FRMD5: variants seen among roughly 807,000 people sequenced by gnomAD.
FRMD5 encodes the protein FERM domain-containing protein 5.
Under a neutral mutation model 69.0 loss-of-function variants are expected in FRMD5, and 20 were observed. The ratio of observed to expected loss-of-function variants is 0.29; its 90% confidence interval spans 0.20 to 0.42. The LOEUF is 0.42. FRMD5 is among the 10% of genes least tolerant of loss of function. The pLI is 1.00. For synonymous variants in FRMD5, 271 were observed against 260.1 expected, an observed-to-expected ratio of 1.04 and a Z score of -0.40; for missense variants, 595 against 708.6, an observed-to-expected ratio of 0.84 and a Z score of 1.82.
chr15:44,071,514 A>G (rs547799316), intron 1 of FRMD5, among the ~76,000 whole-genome samples: 221 of 152,266 alleles, frequency 1.5e-3, no homozygotes, highest in Non-Finnish European at 1.5e-3. Flanking sequence ...TCTCCTCCCT[A>G]CTTAATACAA....
chr15:44,128,764 G>A (rs1228238635), intron 1 of FRMD5, among the ~76,000 whole-genome samples: 1 of 151,934 alleles, frequency 6.6e-6, no homozygotes, highest in Non-Finnish European at 1.5e-5. Flanking sequence ...GAAGATGATA[G>A]GAATCAGAAG....
intron 1 of FRMD5, among the ~76,000 whole-genome samples, chr15:43,960,625 C>T (rs1248813759): frequency 6.6e-6 from 1 of 151,382 alleles, no homozygotes; most frequent in Non-Finnish European, 1.5e-5. Flanking sequence ...CTCAGGTGAT[C>T]CGCCTGCCTC....
chr15:44,195,094 C>T lies in FRMD5; in HGVS notation c.-40G>A. On this transcript the variant is annotated 5_prime_UTR_variant, in exon 1 of 14. Coordinates refer to ENST00000417257, the MANE Select transcript of FRMD5 (RefSeq NM_032892.5). The stretch of plus-strand genomic sequence containing the variant: ...GCCCGGGAGCGACGCGGCGGCGCTG[C>T]GGACCCTGGACCAGGCGTCCCTCAG... The T allele has an allele frequency of 7.1e-7, 1 of 1,411,164 alleles. No homozygotes were observed. Among genetic ancestry groups the T allele is most frequent in the Non-Finnish European group, 9.3e-7 (1 of 1,072,810 alleles). The allele number at this position is 1,411,164 out of a possible 1,614,324, so 87.4% of individuals were successfully genotyped here.
At chr15:43,957,918 C>G (rs1258478663) in intron 1 of FRMD5, among the ~76,000 whole-genome samples, 4 of 152,194 alleles carry the variant, frequency 2.6e-5, no homozygotes, top group African/African-American at 9.7e-5. Context: ...TGAGTCTTTA[C>G]TGTGGGCGAG....
At chr15:44,179,409 T>G (rs1164888353) in intron 1 of FRMD5, among the ~76,000 whole-genome samples, 1 of 152,214 alleles carries the variant, frequency 6.6e-6, no homozygotes, top group Non-Finnish European at 1.5e-5. Context: ...CCATTATAAT[T>G]GACAAACTAA....
intron 1 of FRMD5, among the ~76,000 whole-genome samples, chr15:44,116,224 T>TAG (rs1330018956): frequency 1.7e-3 from 248 of 149,582 alleles, no homozygotes; most frequent in African/African-American, 5.5e-3. Flanking sequence ...ATTATATATA[T>TAG]ATAGAGAGAG....
chr15:43,881,410 A>G (rs2088526275), intron 13 of FRMD5, among the ~76,000 whole-genome samples: 1 of 152,148 alleles, frequency 6.6e-6, no homozygotes. Flanking sequence ...ATGGGAGGAA[A>G]CACCAGGAGG....
At chr15:44,148,523 G>A (rs1009533593) in intron 1 of FRMD5, among the ~76,000 whole-genome samples, 7 of 152,046 alleles carry the variant, frequency 4.6e-5, no homozygotes, top group Non-Finnish European at 7.4e-5. Context: ...CGCCCGCCTC[G>A]GCCTCCCAAA....
chr15:43,977,829 T>C (rs951576150), intron 1 of FRMD5, among the ~76,000 whole-genome samples: 1 of 152,150 alleles, frequency 6.6e-6, no homozygotes, highest in Admixed American at 6.6e-5. Flanking sequence ...CCCTGCGATT[T>C]TGGAGTACTA....
At chr15:44,095,975 G>C (rs1199669512) in intron 1 of FRMD5, among the ~76,000 whole-genome samples, 1 of 152,130 alleles carries the variant, frequency 6.6e-6, no homozygotes, top group Non-Finnish European at 1.5e-5. Flanking sequence ...GGGAGGCTGA[G>C]GTGGGTGGAT....
intron 1 of FRMD5, among the ~76,000 whole-genome samples, chr15:43,977,345 C>T (rs2090479681): frequency 2.0e-5 from 3 of 152,136 alleles, no homozygotes; most frequent in Admixed American, 2.0e-4. Flanking sequence ...AAAATGGCAT[C>T]ACTATTGTTA....
At chr15:44,001,967 T>C (rs1348106369) in intron 1 of FRMD5, among the ~76,000 whole-genome samples, 1 of 152,158 alleles carries the variant, frequency 6.6e-6, no homozygotes, top group African/African-American at 2.4e-5. Flanking sequence ...GTGATCCACC[T>C]GCCTCAGCCT....
At chr15:44,093,082 C>A (rs1189370460) in intron 1 of FRMD5, among the ~76,000 whole-genome samples, 1 of 151,984 alleles carries the variant, frequency 6.6e-6, no homozygotes, top group Admixed American at 6.6e-5. Flanking sequence ...TAGGCGCGCA[C>A]CACCACACCC....
intron 4 of FRMD5, among the ~76,000 whole-genome samples, chr15:43,916,432 G>A (rs2140432903): frequency 6.6e-6 from 1 of 152,328 alleles, no homozygotes; most frequent in South Asian, 2.1e-4. Flanking sequence ...TGTGCATGAT[G>A]CAGAGCCCCT....
chr15:43,998,849 G>A (rs1890056996), intron 1 of FRMD5, among the ~76,000 whole-genome samples: 1 of 152,142 alleles, frequency 6.6e-6, no homozygotes, highest in South Asian at 2.1e-4. Flanking sequence ...CGTGAGATAG[G>A]CAGGCCTATT....
chr15:44,059,989 G>A (rs1361373701), intron 1 of FRMD5, among the ~76,000 whole-genome samples: 1 of 152,210 alleles, frequency 6.6e-6, no homozygotes, highest in Non-Finnish European at 1.5e-5. Context: ...GAGCTGCACT[G>A]GCTATTTGTA....
At chr15:44,066,964 A>C (rs1893336893) in intron 1 of FRMD5, among the ~76,000 whole-genome samples, 1 of 152,158 alleles carries the variant, frequency 6.6e-6, no homozygotes, top group Admixed American at 6.5e-5. Flanking sequence ...AAGAAAGATT[A>C]GTAGAGAACA....
At chr15:43,883,666 A>T in intron 13 of FRMD5, 37 bp downstream of exon 13, 1 of 1,441,506 alleles carries the variant, frequency 6.9e-7, no homozygotes, top group Non-Finnish European at 9.5e-7. Context: ...CACAACTTGG[A>T]GGACCCCAGT....
intron 7 of FRMD5, among the ~76,000 whole-genome samples, chr15:43,900,831 A>G (rs566555): frequency 6.6e-6 from 1 of 151,862 alleles, no homozygotes; most frequent in Non-Finnish European, 1.5e-5. Flanking sequence ...GTTGTCCAGG[A>G]TGGTCTTGAA....
Sources: allele counts gnomAD v4.1 joint callset (sites outside exome capture counted in the v4.1 genomes callset), GRCh38; gene constraint gnomAD v4.1.1; transcripts MANE v1.5; gene names NCBI Gene and HGNC (gene_info 2026-07-23, HGNC 2026-07-21).